MCM3AP: variants seen among roughly 807,000 people sequenced by gnomAD.
The protein encoded by MCM3AP is germinal-center associated nuclear protein.
Under a neutral mutation model 184.1 loss-of-function variants are expected in MCM3AP, and 126 were observed. The observed-to-expected ratio is 0.68, with a 90% CI of 0.59 to 0.79. MCM3AP has a LOEUF of 0.79. Ranked by LOEUF, MCM3AP falls within the 30% of genes least tolerant of loss-of-function variation. The pLI, the probability that MCM3AP is intolerant of heterozygous loss-of-function variation, is 0.00. For synonymous variants in MCM3AP, 1,002 were observed against 979.3 expected, an observed-to-expected ratio of 1.02 and a Z score of -0.43; for missense variants, 2,496 against 2,479.2, an observed-to-expected ratio of 1.01 and a Z score of -0.14.
At chr21:46,267,482 C>G (rs757395735) in intron 9 of MCM3AP, 18 of 234,658 alleles carry the variant, frequency 7.7e-5, no homozygotes, top group Non-Finnish European at 1.4e-4. Context: ...CAGGAAGGTG[C>G]TGCAGAGGAC....
rs752951054 is a variant in MCM3AP at position 46,242,817 on chromosome 21, T to G, written c.5411A>C (p.Gln1804Pro). 1 of 1,611,546 alleles carries G rather than the reference T, an allele frequency of 6.2e-7. No individual in the cohort carries two copies. The highest frequency in any genetic ancestry group is 1.1e-5 in the South Asian group (1 of 90,258). The change falls in exon 25 of 28, where the codon CAG (glutamine) becomes CCG (proline). Residue 1804 changes from glutamine to proline, a missense_variant. Physicochemically the swap from Gln to Pro is moderately conservative, Grantham distance 76. Coordinates refer to ENST00000291688, the MANE Select transcript of MCM3AP (RefSeq NM_003906.5). ...TGAACCTCACCGTCCCTCTCTCAGC[T>G]GTAGCTCCTTCTGCGTCTGCAACCT... Reference protein sequence around the residue: ...QARLQTQKELQLREGRLAIKP... With the variant: ...QARLQTQKELPLREGRLAIKP...
chr21:46,265,316 C>T lies in MCM3AP; in HGVS notation c.3234+5G>A. The T allele has an allele frequency of 6.2e-7, 1 of 1,613,546 alleles. No individual in the cohort carries two copies. The highest frequency in any genetic ancestry group is 1.3e-5 in the African/African-American group (1 of 75,022). On this transcript the variant is annotated splice_donor_5th_base_variant and intron_variant, in intron 12 of 27. Coordinates refer to ENST00000291688, the MANE Select transcript of MCM3AP (RefSeq NM_003906.5). ...AGTCCAGACCTAGAAAAAAAGAGTCCCTACCTCGTCAGAGTACATGGGCAC... is the reference window on the plus strand; with the variant it reads ...AGTCCAGACCTAGAAAAAAAGAGTCTCTACCTCGTCAGAGTACATGGGCAC...
At chr21:46,279,507 G>A (rs927579275) in intron 4 of MCM3AP, among the ~76,000 whole-genome samples, 1 of 152,268 alleles carries the variant, frequency 6.6e-6, no homozygotes, top group Non-Finnish European at 1.5e-5. Flanking sequence ...GGCACTCTGT[G>A]CAAGGACAGA....
At chr21:46,262,829 A>T (rs1350977742) in intron 13 of MCM3AP, among the ~76,000 whole-genome samples, 2 of 149,796 alleles carry the variant, frequency 1.3e-5, no homozygotes, top group Non-Finnish European at 3.0e-5. Flanking sequence ...TAGCCGGGCG[A>T]GGTAGCGGGC....
In MCM3AP at chr21:46,260,800, C is replaced by G. The variant is rs903698901; in HGVS notation, c.3574G>C (p.Glu1192Gln). 22 of 1,612,854 alleles carry G rather than the reference C, an allele frequency of 1.4e-5. No homozygotes were observed. The highest frequency in any genetic ancestry group is 1.7e-5 in the Non-Finnish European group (20 of 1,178,926). Residue 1192 changes from glutamate (E) to glutamine (Q), a missense_variant, in exon 15 of 28, where the codon GAG becomes CAG. Physicochemically the swap from Glu to Gln is conservative, Grantham distance 29. This residue lies in a region of MCM3AP where 1,323 missense variants were observed against 1,273.4 expected (regional missense o/e 1.04). Coordinates refer to ENST00000291688, the MANE Select transcript of MCM3AP (RefSeq NM_003906.5). Reference sequence around the variant, plus strand: ...CACCAGCGTTTCACTTACTTCAACTCCTGGGAGCAGGTTTCCCTCACAAAC... The same window carrying G: ...CACCAGCGTTTCACTTACTTCAACTGCTGGGAGCAGGTTTCCCTCACAAAC... ...MEFVRETCSQELKNAVETDQR... is the reference protein window; with the variant it reads ...MEFVRETCSQQLKNAVETDQR...
intron 6 of MCM3AP, among the ~76,000 whole-genome samples, chr21:46,274,107 T>C (rs912885039): frequency 6.6e-6 from 1 of 152,198 alleles, no homozygotes; most frequent in African/African-American, 2.4e-5. Context: ...GCCCTGGGCA[T>C]GTGCCTCTCC....
At chr21:46,257,412 T>A (rs1412328204) in intron 16 of MCM3AP, among the ~76,000 whole-genome samples, 18 of 131,688 alleles carry the variant, frequency 1.4e-4, no homozygotes, top group African/African-American at 4.8e-4. Flanking sequence ...GAGGTGGAGG[T>A]TGCAGTGAGC....
chr21:46,278,112 C>T (rs1471433972), intron 4 of MCM3AP, among the ~76,000 whole-genome samples: 4 of 151,632 alleles, frequency 2.6e-5, no homozygotes, highest in African/African-American at 9.7e-5. Context: ...GATTATTACA[C>T]TGCTGCTCTC....
chr21:46,247,967 C>T (rs1456638258), intron 20 of MCM3AP, among the ~76,000 whole-genome samples: 1 of 151,882 alleles, frequency 6.6e-6, no homozygotes, highest in Non-Finnish European at 1.5e-5. Context: ...AATATAAGCC[C>T]ATAATAATAG....
In MCM3AP at chr21:46,284,735, A is replaced by G. The variant is rs1315194198; in HGVS notation, c.552T>C (p.Ser184=). The G allele has an allele frequency of 6.2e-7, 1 of 1,613,974 alleles. No individual in the cohort carries two copies. The highest frequency in any genetic ancestry group is 1.3e-5 in the African/African-American group (1 of 74,926). ...AGAAAGGGGCCAGGCCTCCAGGTGCACTACTAATTGGGTGGGAAAATGTAA... is the reference window on the plus strand; with the variant it reads ...AGAAAGGGGCCAGGCCTCCAGGTGCGCTACTAATTGGGTGGGAAAATGTAA... ...GFFTFSHPIS[S]APGGLAPFSF... is the part of the protein sequence containing the mutation. The change falls in exon 1 of 28, where the codon AGT becomes AGC. Residue 184 remains serine (S), a synonymous_variant. Coordinates refer to ENST00000291688, the MANE Select transcript of MCM3AP (RefSeq NM_003906.5).
chr21:46,284,553 G>C lies in MCM3AP; in HGVS notation c.734C>G (p.Ser245Cys), dbSNP rs566880432. ...KRGPKSIFGSSNNSFSSFPVS... is the reference protein window; with the variant it reads ...KRGPKSIFGSCNNSFSSFPVS... ...AGGGAAGCTACTGAAGCTATTATTA[G>C]AACTTCCAAATATTGACTTAGGTCC... is the stretch of plus-strand genomic sequence containing the variant. The change falls in exon 1 of 28, where the codon TCT becomes TGT. Residue 245 changes from serine to cysteine, a missense_variant. Physicochemically the swap from Ser to Cys is moderately radical, Grantham distance 112 (BLOSUM62 -1). Coordinates refer to ENST00000291688, the MANE Select transcript of MCM3AP (RefSeq NM_003906.5). The C allele has an allele frequency of 1.9e-6, 3 of 1,614,172 alleles. No individual in the cohort carries two copies. The highest frequency in any genetic ancestry group is 1.1e-5 in the South Asian group (1 of 91,074).
chr21:46,269,861 C>T (rs907591754), intron 9 of MCM3AP, among the ~76,000 whole-genome samples: 1 of 152,172 alleles, frequency 6.6e-6, no homozygotes, highest in Non-Finnish European at 1.5e-5. Context: ...CCCCAAGTTC[C>T]GTGGAAGTGG....
intron 11 of MCM3AP, 117 bp downstream of exon 11, chr21:46,265,808 G>A: frequency 7.7e-7 from 1 of 1,297,480 alleles, no homozygotes; most frequent in East Asian, 2.4e-5. Context: ...AGACAAGACA[G>A]GTGCTCAGGC....
rs776788577 is a variant in MCM3AP at position 46,260,808 on chromosome 21, C to T, written c.3566G>A (p.Cys1189Tyr). The change falls in exon 15 of 28, where the codon TGC (cysteine) becomes TAC (tyrosine). Residue 1189 changes from cysteine to tyrosine, a missense_variant. Cys to Tyr is a radical substitution (Grantham distance 194). Transcript: ENST00000291688. Reference protein sequence around the residue: ...RVMMEFVRETCSQELKNAVET... With the variant: ...RVMMEFVRETYSQELKNAVET... ...TTTCACTTACTTCAACTCCTGGGAG[C>T]AGGTTTCCCTCACAAACTCCATCAT... The T allele has an allele frequency of 6.2e-7, 1 of 1,613,712 alleles. No homozygotes were observed. Among genetic ancestry groups the T allele is most frequent in the Non-Finnish European group, 8.5e-7 (1 of 1,179,582 alleles).
At position 46,280,752 on chromosome 21, in the gene MCM3AP, C is replaced by A. The variant is rs75145622; in HGVS notation, c.1444-177G>T. 0.045 allele frequency among the ~76,000 whole-genome samples: 6,919 copies of A among 152,216 alleles called. 224 individuals are homozygous for A. Among genetic ancestry groups the A allele is most frequent in the Non-Finnish European group, 0.068 (4,630 of 68,002 alleles). On this transcript the variant is annotated intron_variant, in intron 2 of 27. Coordinates refer to ENST00000291688, the MANE Select transcript of MCM3AP (RefSeq NM_003906.5). ...CTGCTAACTGCATGGTCTCTGGCTGCGGCAGCAGCAGTATTCATCTCCCTT... is the reference window on the plus strand; with the variant it reads ...CTGCTAACTGCATGGTCTCTGGCTGAGGCAGCAGCAGTATTCATCTCCCTT...
chr21:46,280,569 C>A lies in MCM3AP; in HGVS notation c.1450G>T (p.Ala484Ser). Reference protein sequence around the residue: ...AVVHFFDHASAALARKKGKSL... With the variant: ...AVVHFFDHASSALARKKGKSL... The stretch of plus-strand genomic sequence containing the variant: ...TTCCCCTTCTTTCTAGCCAGGGCTG[C>A]AGATGCCTGGAAAACAGTCCACAAC... Residue 484 changes from alanine (A) to serine (S), a missense_variant, in exon 3 of 28, where the codon GCA (alanine) becomes TCA (serine). Transcript: ENST00000291688. 6.2e-7 allele frequency: 1 copy of A among 1,610,962 alleles called. No individual in the cohort carries two copies. Among genetic ancestry groups the A allele is most frequent in the South Asian group, 1.1e-5 (1 of 90,820 alleles).
chr21:46,272,155 A>C (rs551846517), intron 8 of MCM3AP, among the ~76,000 whole-genome samples: 1 of 150,936 alleles, frequency 6.6e-6, no homozygotes, highest in African/African-American at 2.5e-5. Context: ...TTTGTTTTAC[A>C]TAATTTTTTC....
intron 17 of MCM3AP, among the ~76,000 whole-genome samples, chr21:46,256,132 G>T (rs376696519): frequency 1.1e-4 from 16 of 152,130 alleles, no homozygotes; most frequent in African/African-American, 3.4e-4. Context: ...CCCACTGGGA[G>T]GCCAGGGAGC....
In MCM3AP at chr21:46,241,139, T is replaced by C. The variant is rs183791048; in HGVS notation, c.5427-122A>G. ...TGTAAGAACATGTGCCTCAGACACA[T>C]GTGCCCTCCTGGAACAGCTCATGCT... is the stretch of plus-strand genomic sequence containing the variant. On this transcript the variant is annotated intron_variant, in intron 25 of 27. Transcript: ENST00000291688. 28 of 732,274 alleles carry C rather than the reference T, an allele frequency of 3.8e-5. No individual in the cohort carries two copies. In the East Asian group the frequency reaches 4.3e-4, roughly 11 times the overall value. 45.4% of individuals were successfully genotyped at this position (732,274 alleles called of 1,614,324 possible). A position where few individuals can be genotyped will look rare whatever the true frequency, so the allele number is the denominator to read the frequency against.
Sources: gnomAD v4.1 joint callset for allele counts (sites outside exome capture counted in the v4.1 genomes callset) on GRCh38, gnomAD v4.1.1 for gene constraint, gnomAD v4.1.1 regional missense constraint, MANE v1.5 for transcripts, NCBI Gene and HGNC (gene_info 2026-07-23, HGNC 2026-07-21) for gene names.